Variants in RNF150 observed in about 807,000 individuals in gnomAD.
RNF150 encodes ring finger protein 150.
In RNF150, 24 loss-of-function variants were observed where a neutral mutation model predicts 39.3. That is an observed-to-expected ratio of 0.61 (90% CI 0.44 to 0.86). The LOEUF is 0.86. Among genes scored for constraint, RNF150 ranks in the 40% least tolerant of loss-of-function variants. The pLI is 0.00. For missense variants in RNF150, 502 were observed against 587.8 expected, an observed-to-expected ratio of 0.85 and a Z score of 1.51; for synonymous variants, 255 against 227.3, an observed-to-expected ratio of 1.12 and a Z score of -1.10.
intron 1 of RNF150, among the ~76,000 whole-genome samples, chr4:141,003,566 T>TACACACACACACACACACACAC (rs70946725): frequency 2.8e-5 from 4 of 142,460 alleles, no homozygotes; most frequent in Non-Finnish European, 6.1e-5. Flanking sequence ...CCCTAGCACG[T>TACACACACACACACACACACAC]ACACACACAC....
chr4:140,882,850 T>C (rs530435245), intron 6 of RNF150, among the ~76,000 whole-genome samples: 3 of 152,316 alleles, frequency 2.0e-5, no homozygotes, highest in African/African-American at 7.2e-5. Flanking sequence ...AGTTACCTTT[T>C]GTTTTTCATT....
intron 2 of RNF150, among the ~76,000 whole-genome samples, chr4:140,951,292 C>G (rs1732529764): frequency 6.6e-6 from 1 of 152,112 alleles, no homozygotes; most frequent in Non-Finnish European, 1.5e-5. Flanking sequence ...ACATTGTTCC[C>G]TATATCCCCA....
chr4:141,191,914 T>TGCGACTTTGG (rs1553954205), intron 1 of RNF150, among the ~76,000 whole-genome samples: 5 of 151,076 alleles, frequency 3.3e-5, no homozygotes, highest in Non-Finnish European at 5.9e-5. Flanking sequence ...TCATTTTTCC[T>TGCGACTTTGG]GCCACTTTGG....
At chr4:140,969,756 C>CTTT (rs70946718) in intron 1 of RNF150, among the ~76,000 whole-genome samples, 1,050 of 75,970 alleles carry the variant, frequency 0.014, 29 homozygotes, top group Non-Finnish European at 0.019. Flanking sequence ...ACAAGTTTTA[C>CTTT]TTTTTTTTTT....
At chr4:141,060,709 T>C (rs1010966446) in intron 1 of RNF150, among the ~76,000 whole-genome samples, 7 of 152,204 alleles carry the variant, frequency 4.6e-5, no homozygotes, top group Admixed American at 4.6e-4. Context: ...ATTGCAGCAC[T>C]ATCCACAATA....
chr4:140,896,724 A>T (rs1729970803), intron 6 of RNF150, among the ~76,000 whole-genome samples: 1 of 127,672 alleles, frequency 7.8e-6, no homozygotes, highest in Admixed American at 7.7e-5. Context: ...AAACAAACAA[A>T]AAAAAATAAT....
intron 4 of RNF150, among the ~76,000 whole-genome samples, chr4:140,935,139 A>G (rs1731814988): frequency 6.9e-6 from 1 of 144,596 alleles, no homozygotes; most frequent in Admixed American, 7.2e-5. Flanking sequence ...TTTATTCCAC[A>G]CAGCTCTGCA....
At position 141,064,636 on chromosome 4, in the gene RNF150, T is replaced by A. The variant is rs539385642; in HGVS notation, c.484+67689A>T. Among the ~76,000 whole-genome samples the A allele has an allele frequency of 1.6e-3, 237 of 151,942 alleles. 2 individuals are homozygous for A. Among genetic ancestry groups the A allele is most frequent in the African/African-American group, 5.1e-3 (210 of 41,458 alleles). ...ACAACAACAACAAAAAATTAAAAAA[T>A]ATAAAGATAATTATGTTTACACTGT... On this transcript the variant is annotated intron_variant, in intron 1 of 6. Coordinates refer to ENST00000515673, the MANE Select transcript of RNF150 (RefSeq NM_020724.2).
At chr4:141,145,267 T>G (rs896498819) in intron 1 of RNF150, among the ~76,000 whole-genome samples, 1 of 152,218 alleles carries the variant, frequency 6.6e-6, no homozygotes, top group African/African-American at 2.4e-5. Flanking sequence ...GTCTTCAAAG[T>G]GTCAAAGAAA....
chr4:141,015,944 G>A (rs1735255411), intron 1 of RNF150, among the ~76,000 whole-genome samples: 3 of 151,786 alleles, frequency 2.0e-5, no homozygotes, highest in African/African-American at 7.3e-5. Context: ...TGGGGGGTGG[G>A]GTGTGTGAAA....
intron 1 of RNF150, among the ~76,000 whole-genome samples, chr4:140,981,588 A>G (rs1733861290): frequency 6.6e-6 from 1 of 152,152 alleles, no homozygotes; most frequent in Admixed American, 6.6e-5. Context: ...AACATGACAT[A>G]CCATCGATAC....
intron 1 of RNF150, among the ~76,000 whole-genome samples, chr4:141,080,761 G>A (rs1327248237): frequency 6.6e-6 from 1 of 152,200 alleles, no homozygotes; most frequent in East Asian, 1.9e-4. Context: ...CCTCAAGACA[G>A]AATGACAGTA....
intron 6 of RNF150, among the ~76,000 whole-genome samples, chr4:140,898,089 C>A (rs1399716026): frequency 6.6e-6 from 1 of 152,104 alleles, no homozygotes; most frequent in African/African-American, 2.4e-5. Flanking sequence ...ATGAAGAGAC[C>A]TACTACCACT....
intron 1 of RNF150, among the ~76,000 whole-genome samples, chr4:141,130,680 ATCT>A (rs1039393685): frequency 8.5e-5 from 13 of 152,234 alleles, no homozygotes; most frequent in African/African-American, 2.9e-4. Context: ...TCAGCTAACA[ATCT>A]TCTTGGAGTT....
chr4:140,920,913 C>T (rs542288999), intron 5 of RNF150, among the ~76,000 whole-genome samples: 2 of 151,938 alleles, frequency 1.3e-5, no homozygotes, highest in South Asian at 4.2e-4. Context: ...TGGAAATCAT[C>T]ATTCTGAGTA....
Position 141,131,407 on chromosome 4 carries a change from G to C in RNF150, c.484+918C>G, listed in dbSNP as rs563089762. ...AAGCAGCAAGCTCTGACATAAGGAG[G>C]CTAGCTTGCTAAAACTAGTGGCTTA... is the stretch of plus-strand genomic sequence containing the variant. On this transcript the variant is annotated intron_variant, in intron 1 of 6. Coordinates refer to ENST00000515673, the MANE Select transcript of RNF150 (RefSeq NM_020724.2). Among the ~76,000 whole-genome samples, 25 of 152,346 alleles carry C rather than the reference G, an allele frequency of 1.6e-4. 1 individual carries two copies. The South Asian group carries it at 5.2e-3, about 32-fold the overall frequency.
rs569308027 is a variant in RNF150 at position 141,148,214 on chromosome 4, A to T, written c.-6+64580T>A. On this transcript the variant is annotated intron_variant, in intron 1 of 7. Transcript: ENST00000420921. ...TTGAAAATCTTTGTAAAATAAAATA[A>T]TATATAGGATGATGGCTTCCTCTTA... 7.2e-4 allele frequency among the ~76,000 whole-genome samples: 110 copies of T among 152,310 alleles called. 2 individuals are homozygous for T. Among genetic ancestry groups the T allele is most frequent in the African/African-American group, 2.5e-3 (105 of 41,552 alleles).
chr4:140,956,770 T>C (rs952395123), intron 2 of RNF150, among the ~76,000 whole-genome samples: 1 of 152,184 alleles, frequency 6.6e-6, no homozygotes, highest in Non-Finnish European at 1.5e-5. Context: ...AACTACCTAA[T>C]CTTTGACAAA....
At chr4:140,899,998 G>C (rs1730132271) in intron 6 of RNF150, among the ~76,000 whole-genome samples, 1 of 146,622 alleles carries the variant, frequency 6.8e-6, no homozygotes, top group African/African-American at 2.5e-5. Context: ...GTGTGTGTGT[G>C]TGTGTGTCCC....
Sources: allele counts gnomAD v4.1 joint callset (sites outside exome capture counted in the v4.1 genomes callset), GRCh38; gene constraint gnomAD v4.1.1; transcripts MANE v1.5; gene names NCBI Gene and HGNC (gene_info 2026-07-23, HGNC 2026-07-21).